Variants in PTPRN2 observed in about 807,000 individuals in gnomAD.
PTPRN2 encodes the protein protein tyrosine phosphatase receptor type N2.
A neutral mutation model predicts 118.8 loss-of-function variants in PTPRN2; 74 were observed. That is an observed-to-expected ratio of 0.62 (90% CI 0.52 to 0.76). The LOEUF is 0.76. Ranked by LOEUF, PTPRN2 falls within the 30% of genes least tolerant of loss-of-function variation. PTPRN2 has a pLI of 0.00. For synonymous variants in PTPRN2, 641 were observed against 608.0 expected, an observed-to-expected ratio of 1.05 and a Z score of -0.80; for missense variants, 1,481 against 1,394.4, an observed-to-expected ratio of 1.06 and a Z score of -0.99.
intron 12 of PTPRN2, among the ~76,000 whole-genome samples, chr7:157,762,026 A>T (rs1269636221): frequency 6.6e-6 from 1 of 152,190 alleles, no homozygotes. Flanking sequence ...GAGAAATGCA[A>T]ATCAAAACCA....
intron 12 of PTPRN2, among the ~76,000 whole-genome samples, chr7:157,876,635 T>G (rs981870657): frequency 2.6e-5 from 4 of 152,076 alleles, no homozygotes; most frequent in Non-Finnish European, 5.9e-5. Flanking sequence ...CAGGGTGGCC[T>G]TGGGAAGACC....
intron 3 of PTPRN2, among the ~76,000 whole-genome samples, chr7:158,313,967 G>A (rs941354828): frequency 1.3e-5 from 2 of 152,060 alleles, no homozygotes; most frequent in African/African-American, 4.8e-5. Context: ...AGAGTCTTGT[G>A]CATTCTCTGG....
At chr7:157,910,698 C>T (rs1382091365) in intron 11 of PTPRN2, among the ~76,000 whole-genome samples, 1 of 133,022 alleles carries the variant, frequency 7.5e-6, no homozygotes, top group African/African-American at 3.0e-5. Flanking sequence ...TGCCATGCGG[C>T]AGGGCACGTG....
rs979513480 is a variant in PTPRN2 at position 157,610,512 on chromosome 7, T to C, written c.2345-6437A>G. On this transcript the variant is annotated intron_variant, in intron 15 of 22. Coordinates refer to ENST00000389418, the MANE Select transcript of PTPRN2 (RefSeq NM_002847.5). The surrounding 1 kb of genome is among the most constrained non-coding windows in gnomAD (Gnocchi z 5.1). ...GTTGGCACCAGCACCCACAAGCTCC[T>C]GCTCCGAGTTTATGGTGTCCATCGA... Among the ~76,000 whole-genome samples the C allele has an allele frequency of 5.9e-5, 9 of 152,324 alleles. No homozygotes were observed. Among genetic ancestry groups the C allele is most frequent in the African/African-American group, 2.2e-4 (9 of 41,570 alleles).
At chr7:158,087,697 C>A (rs1347585544) in intron 10 of PTPRN2, among the ~76,000 whole-genome samples, 1 of 148,348 alleles carries the variant, frequency 6.7e-6, no homozygotes, top group African/African-American at 2.5e-5. Context: ...ACCTTCTTCC[C>A]CTGATGAAGG....
chr7:157,668,629 G>A (rs2150773894), intron 13 of PTPRN2, among the ~76,000 whole-genome samples: 1 of 152,320 alleles, frequency 6.6e-6, no homozygotes, highest in Admixed American at 6.5e-5. Flanking sequence ...GGCTCTGTTT[G>A]GGGAGGGCCC....
intron 12 of PTPRN2, among the ~76,000 whole-genome samples, chr7:157,697,501 G>T (rs895561252): frequency 4.0e-5 from 5 of 125,648 alleles, no homozygotes; most frequent in Admixed American, 2.3e-4. Context: ...CTGGATCTTA[G>T]TAGAGCCCTC....
Position 157,787,839 on chromosome 7 carries a change from G to A in PTPRN2, c.1789-104902C>T, listed in dbSNP as rs1304805580. Among the ~76,000 whole-genome samples, 1 of 152,170 alleles carries A rather than the reference G, an allele frequency of 6.6e-6. No individual in the cohort carries two copies. The highest frequency in any genetic ancestry group is 2.4e-5 in the African/African-American group (1 of 41,442). ...AAGCTGCCAAGGGCTGGGGTGGGCT[G>A]TTCCCCTCTTGGCATCTCCCTCACA... is the stretch of plus-strand genomic sequence containing the variant. On this transcript the variant is annotated intron_variant, in intron 12 of 22. Coordinates refer to ENST00000389418, the MANE Select transcript of PTPRN2 (RefSeq NM_002847.5). The surrounding 1 kb of genome is among the most constrained non-coding windows in gnomAD (Gnocchi z 5.3).
chr7:157,551,272 G>C (rs1161695562), intron 21 of PTPRN2, among the ~76,000 whole-genome samples: 3 of 152,100 alleles, frequency 2.0e-5, no homozygotes, highest in African/African-American at 7.3e-5. Flanking sequence ...CCTTTGGTAG[G>C]AGCTGTGGCT....
At position 158,381,920 on chromosome 7, in the gene PTPRN2, T is replaced by C. The variant is rs139033488; in HGVS notation, c.164-64988A>G. On this transcript the variant is annotated intron_variant, in intron 2 of 22. Coordinates refer to ENST00000389418, the MANE Select transcript of PTPRN2 (RefSeq NM_002847.5). Reference sequence around the variant, plus strand: ...ATCTTGTAAGACTTATTCACTACCATGAGAACAGCACGAGAAAGACCCACT... The same window carrying C: ...ATCTTGTAAGACTTATTCACTACCACGAGAACAGCACGAGAAAGACCCACT... Among the ~76,000 whole-genome samples, 678 of 152,228 alleles carry C rather than the reference T, an allele frequency of 4.5e-3. 7 individuals carry two copies. The highest frequency in any genetic ancestry group is 0.015 in the African/African-American group (641 of 41,530).
At chr7:157,721,724 A>G (rs1352498341) in intron 12 of PTPRN2, among the ~76,000 whole-genome samples, 1 of 152,072 alleles carries the variant, frequency 6.6e-6, no homozygotes, top group Non-Finnish European at 1.5e-5. Flanking sequence ...ATGTTTGGGG[A>G]GAGGCTGAGA....
chr7:158,110,619 C>A (rs540044739), intron 10 of PTPRN2, among the ~76,000 whole-genome samples: 33 of 152,330 alleles, frequency 2.2e-4, no homozygotes, highest in African/African-American at 7.2e-4. Flanking sequence ...GCGACACTGT[C>A]CTTCAGGAGA....
rs140723671 is a variant in PTPRN2 at position 157,787,669 on chromosome 7, A to C, written c.1789-104732T>G. Among the ~76,000 whole-genome samples, 248 of 152,190 alleles carry C rather than the reference A, an allele frequency of 1.6e-3. 2 individuals are homozygous for C. Among genetic ancestry groups the C allele is most frequent in the African/African-American group, 5.1e-3 (211 of 41,504 alleles). ...ACCGGGGCCTCCCTGGGACACCCTG[A>C]ACACCTGCTCTGTGGGAGACGGGGT... On this transcript the variant is annotated intron_variant, in intron 12 of 22. Coordinates refer to ENST00000389418, the MANE Select transcript of PTPRN2 (RefSeq NM_002847.5). This position sits in a 1 kb window ranked among gnomAD's most constrained non-coding sequence, Gnocchi z 5.3.
intron 6 of PTPRN2, among the ~76,000 whole-genome samples, chr7:158,165,463 T>A (rs1213339270): frequency 6.6e-6 from 1 of 152,210 alleles, no homozygotes; most frequent in East Asian, 1.9e-4. Context: ...AAAGCATCGG[T>A]AATGGTCACA....
intron 4 of PTPRN2, 27 bp from the exon 5 acceptor site, chr7:158,192,522 C>T (rs780743351): frequency 3.5e-5 from 55 of 1,563,118 alleles, no homozygotes; most frequent in Non-Finnish European, 4.7e-5. Context: ...AACCAGACAT[C>T]AACCGCATGT....
At chr7:158,154,175 TTC>T (rs1375864685) in intron 6 of PTPRN2, among the ~76,000 whole-genome samples, 1 of 152,184 alleles carries the variant, frequency 6.6e-6, no homozygotes, top group East Asian at 1.9e-4. Flanking sequence ...ATTCACTGCC[TTC>T]CAGAAAAGGC....
rs560956269 is a variant in PTPRN2, at chr7:158,585,395, C to T, written c.112+2163G>A. On this transcript the variant is annotated intron_variant, in intron 1 of 22. Transcript: ENST00000389418. ...AATTACCTGAGAATGTAGGTGATGC[C>T]TTTCACCTGGAGTCCTCGAAACAAT... is the stretch of plus-strand genomic sequence containing the variant. 2.6e-5 allele frequency among the ~76,000 whole-genome samples: 4 copies of T among 152,320 alleles called. No homozygotes were observed. In the East Asian group the frequency reaches 7.7e-4, roughly 29 times the overall value.
intron 1 of PTPRN2, among the ~76,000 whole-genome samples, chr7:158,552,272 T>C (rs1375554550): frequency 6.7e-6 from 1 of 150,234 alleles, no homozygotes; most frequent in Non-Finnish European, 1.5e-5. Context: ...GGGTCTCTAA[T>C]GCATGCATTT....
rs531083429 is a variant in PTPRN2 at position 157,867,900 on chromosome 7, G to T, written c.1788+30773C>A. ...AAAGGGCCGCAGGCGTGGTGGAGGT[G>T]TGCCCAGGCCCAGCATGCCCCCAGA... On this transcript the variant is annotated intron_variant, in intron 12 of 22. Transcript: ENST00000389418. 2.6e-5 allele frequency among the ~76,000 whole-genome samples: 4 copies of T among 152,246 alleles called. No individual in the cohort carries two copies. In the East Asian group the frequency reaches 7.8e-4, roughly 30 times the overall value.
Sources: allele counts gnomAD v4.1 joint callset (sites outside exome capture counted in the v4.1 genomes callset), GRCh38; gene constraint gnomAD v4.1.1; non-coding constraint Gnocchi (gnomAD v3.1); transcripts MANE v1.5; gene names NCBI Gene and HGNC (gene_info 2026-07-23, HGNC 2026-07-21).